Variants in ASIC2 observed in about 807,000 individuals in gnomAD.
ASIC2 encodes the protein acid sensing ion channel subunit 2.
A neutral mutation model predicts 57.3 loss-of-function variants in ASIC2; 25 were observed. The observed-to-expected ratio is 0.44, with a 90% CI of 0.32 to 0.61. The LOEUF (loss-of-function observed/expected upper bound fraction) is 0.61, where lower values mean the gene tolerates loss of function less well. Among genes scored for constraint, ASIC2 ranks in the 20% least tolerant of loss-of-function variants. The pLI, the probability that ASIC2 is intolerant of heterozygous loss-of-function variation, is 0.06. For synonymous variants in ASIC2, 319 were observed against 307.5 expected (o/e 1.04, Z -0.39); for missense variants, 641 against 738.1 (o/e 0.87, Z 1.52).
At chr17:33,899,363 T>C (rs537152766) in intron 1 of ASIC2, among the ~76,000 whole-genome samples, 2 of 152,266 alleles carry the variant, frequency 1.3e-5, no homozygotes, top group South Asian at 4.2e-4. Context: ...CCATGCTAAC[T>C]TAGTTTCTTC....
upstream of ASIC2, among the ~76,000 whole-genome samples, chr17:33,293,820 G>T (rs548914365): frequency 1.3e-5 from 2 of 152,274 alleles, no homozygotes; most frequent in South Asian, 4.1e-4. Flanking sequence ...TTCCGTGTGT[G>T]TATGTGTGCA....
intron 1 of ASIC2, among the ~76,000 whole-genome samples, chr17:33,719,754 G>A (rs528399455): frequency 1.1e-4 from 16 of 152,318 alleles, no homozygotes; most frequent in African/African-American, 1.9e-4. Flanking sequence ...ATGAGCTGGC[G>A]GTTTGTGCAG....
At chr17:33,262,924 G>A (rs1051634101) in intron 1 of ASIC2, among the ~76,000 whole-genome samples, 2 of 152,170 alleles carry the variant, frequency 1.3e-5, no homozygotes, top group Non-Finnish European at 2.9e-5. Context: ...GGAATGAGGG[G>A]TAGACATGCC....
intron 1 of ASIC2, among the ~76,000 whole-genome samples, chr17:33,171,876 C>T (rs529179503): frequency 2.0e-5 from 3 of 152,262 alleles, no homozygotes; most frequent in African/African-American, 4.8e-5. Flanking sequence ...AACCTTGTTC[C>T]GTCTGCCTGG....
At chr17:33,200,723 G>C (rs1306436702) in intron 1 of ASIC2, among the ~76,000 whole-genome samples, 1 of 152,062 alleles carries the variant, frequency 6.6e-6, no homozygotes, top group East Asian at 1.9e-4. Context: ...CTCCCTGTTT[G>C]CTTCCACCCT....
intron 1 of ASIC2, chr17:34,036,600 A>C (rs1022767302): frequency 6.6e-6 from 1 of 151,024 alleles, no homozygotes; most frequent in Admixed American, 6.6e-5. Flanking sequence ...CATCACAGAG[A>C]TTAATGAAAA....
intron 1 of ASIC2, among the ~76,000 whole-genome samples, chr17:33,394,726 T>G (rs1910014676): frequency 6.6e-6 from 1 of 152,180 alleles, no homozygotes; most frequent in African/African-American, 2.4e-5. Context: ...TTGCTTCACC[T>G]TAGAACATTC....
chr17:34,100,184 G>GTT (rs35700595), intron 1 of ASIC2, among the ~76,000 whole-genome samples: 3,223 of 130,604 alleles, frequency 0.025, 94 homozygotes, highest in African/African-American at 0.082. Context: ...TCTCTTTCTT[G>GTT]TTTTTTTTTT....
At chr17:34,149,662 C>A (rs1380542076) in intron 1 of ASIC2, among the ~76,000 whole-genome samples, 1 of 152,016 alleles carries the variant, frequency 6.6e-6, no homozygotes, top group African/African-American at 2.4e-5. Context: ...AAGAAATATG[C>A]GATTTGTAAA....
At chr17:33,316,808 G>A (rs1459183686) in intron 1 of ASIC2, among the ~76,000 whole-genome samples, 2 of 152,280 alleles carry the variant, frequency 1.3e-5, no homozygotes, top group African/African-American at 4.8e-5. Context: ...AATAAGCCCA[G>A]GTTAATTAAA....
chr17:33,639,887 T>C (rs1449317418), intron 1 of ASIC2, among the ~76,000 whole-genome samples: 4 of 152,176 alleles, frequency 2.6e-5, no homozygotes, highest in Non-Finnish European at 4.4e-5. Context: ...ATAATGATTA[T>C]TCTTAAAGTG....
At chr17:34,010,907 G>T (rs1040304117) in intron 1 of ASIC2, among the ~76,000 whole-genome samples, 3 of 151,690 alleles carry the variant, frequency 2.0e-5, no homozygotes, top group Non-Finnish European at 1.5e-5. Context: ...AATGCTTCTA[G>T]TCAGACACAT....
At chr17:33,760,555 A>G (rs1370366985) in intron 1 of ASIC2, among the ~76,000 whole-genome samples, 1 of 152,020 alleles carries the variant, frequency 6.6e-6, no homozygotes, top group African/African-American at 2.4e-5. Context: ...TTATATATAA[A>G]CAAACATAGC....
intron 1 of ASIC2, among the ~76,000 whole-genome samples, chr17:33,787,835 A>G (rs1283245427): frequency 1.3e-5 from 2 of 152,094 alleles, no homozygotes; most frequent in Non-Finnish European, 2.9e-5. Context: ...GTAGGAGGTG[A>G]TTGGATTATG....
intron 1 of ASIC2, among the ~76,000 whole-genome samples, chr17:33,365,842 T>C (rs770616896): frequency 2.6e-5 from 4 of 152,182 alleles, no homozygotes; most frequent in Non-Finnish European, 4.4e-5. Flanking sequence ...AAAGTCTATT[T>C]ATTTAAAGTT....
chr17:33,319,429 G>T (rs1464225435), intron 1 of ASIC2, among the ~76,000 whole-genome samples: 1 of 152,328 alleles, frequency 6.6e-6, no homozygotes, highest in East Asian at 1.9e-4. Flanking sequence ...GACAGCCAGT[G>T]ATGGATGGGG....
At chr17:33,086,111 A>G (rs1055945146) in intron 3 of ASIC2, among the ~76,000 whole-genome samples, 1 of 152,112 alleles carries the variant, frequency 6.6e-6, no homozygotes, top group Non-Finnish European at 1.5e-5. Flanking sequence ...AAGGATTCCT[A>G]GAAGTCATAG....
chr17:33,837,273 G>A (rs1019162243), intron 1 of ASIC2, among the ~76,000 whole-genome samples: 2 of 152,184 alleles, frequency 1.3e-5, no homozygotes, highest in Non-Finnish European at 2.9e-5. Flanking sequence ...AAGGCCTAAG[G>A]TCTTGCTCAA....
At chr17:33,067,531 A>G (rs1017775615) in intron 3 of ASIC2, among the ~76,000 whole-genome samples, 16 of 152,202 alleles carry the variant, frequency 1.1e-4, no homozygotes, top group African/African-American at 3.9e-4. Context: ...AGAGCATCAC[A>G]ACAAGTATGA....
Sources: gnomAD v4.1 joint callset for allele counts (sites outside exome capture counted in the v4.1 genomes callset) on GRCh38, gnomAD v4.1.1 for gene constraint, MANE v1.5 for transcripts, NCBI Gene and HGNC (gene_info 2026-07-23, HGNC 2026-07-21) for gene names.